The following UNC93B1 variants were observed in gnomAD, a reference collection of about 807,000 sequenced individuals.
The protein encoded by UNC93B1 is protein unc-93 homolog B1.
A neutral mutation model predicts 56.8 loss-of-function variants in UNC93B1; 33 were observed. The ratio of observed to expected loss-of-function variants is 0.58; its 90% CI spans 0.44 to 0.78. The LOEUF is 0.78. Ranked by LOEUF, UNC93B1 falls within the 30% of genes least tolerant of loss-of-function variation. The pLI, the probability that UNC93B1 is intolerant of heterozygous loss-of-function variation, is 0.00. For missense variants in UNC93B1, 673 were observed against 819.5 expected (o/e 0.82, Z 2.18); for synonymous variants, 334 against 358.6 (o/e 0.93, Z 0.77).
chr11:68,000,740 G>A (rs6591326), intron 3 of UNC93B1, among the ~76,000 whole-genome samples: 1,595 of 152,290 alleles, frequency 0.01, 32 homozygotes, highest in African/African-American at 0.036. Context: ...GTTTTGGCAG[G>A]GGGTGAACAT....
rs1230606959 is a variant in UNC93B1, at chr11:67,998,437, C to G, written c.703G>C (p.Ala235Pro). 1 of 1,613,784 alleles carries G rather than the reference C, an allele frequency of 6.2e-7. No homozygotes were observed. Among genetic ancestry groups the G allele is most frequent in the Non-Finnish European group, 8.5e-7 (1 of 1,179,856 alleles). The change falls in exon 6 of 11, where the codon GCC becomes CCC. Residue 235 changes from alanine (A) to proline (P), a missense_variant. Transcript: ENST00000227471. ...AGGAAATAAATCATGGGCAGCTGGG[C>G]GCAGGCGAAGCTCAGCTGCAGAAAC... is the stretch of plus-strand genomic sequence containing the variant. ...YSFFHLSFACAQLPMIYFLNH... is the reference protein window; with the variant it reads ...YSFFHLSFACPQLPMIYFLNH...
In UNC93B1 at chr11:67,999,146, C is replaced by G. The variant is rs759683976; in HGVS notation, c.687+27G>C. ...CCAATGCGTGGGTCTGCCCCTGCCA[C>G]CCAACAATGGCCCACGTGGCACTCA... On this transcript the variant is annotated intron_variant, in intron 5 of 10. Coordinates refer to ENST00000227471, the MANE Select transcript of UNC93B1 (RefSeq NM_030930.4). 69 of 1,613,284 alleles carry G rather than the reference C, an allele frequency of 4.3e-5. 1 individual carries two copies. Among genetic ancestry groups the G allele is most frequent in the Non-Finnish European group, 2.5e-6 (3 of 1,179,582 alleles).
chr11:68,003,934 G>T lies in UNC93B1; in HGVS notation c.96+14C>A. 1 of 1,373,310 alleles carries T rather than the reference G, an allele frequency of 7.3e-7. No individual in the cohort carries two copies. 85.1% of individuals were successfully genotyped at this position (1,373,310 alleles called of 1,614,324 possible). ...AGGGGACGCCCGCGCCTCGCACTCC[G>T]GGTCCCCGCTCACCGGGGCCTCGGG... On this transcript the variant is annotated intron_variant, in intron 1 of 10. Transcript: ENST00000227471. This position sits in a 1 kb window ranked among gnomAD's most constrained non-coding sequence, Gnocchi z 4.4.
At chr11:67,993,875 T>C in intron 9 of UNC93B1, 81 bp from the exon 10 acceptor site, 1 of 969,928 alleles carries the variant, frequency 1.0e-6, no homozygotes, top group Non-Finnish European at 1.6e-6. Context: ...CTACGAACTT[T>C]ACTAAGCCCT....
chr11:67,999,069 C>T (rs1856999022), intron 5 of UNC93B1, 104 bp downstream of exon 5: 1 of 1,516,660 alleles, frequency 6.6e-7, no homozygotes, highest in Non-Finnish European at 8.9e-7. Context: ...TTAAAAATAA[C>T]AATAATAAAA....
rs1304888907 is a variant in UNC93B1, at chr11:67,995,769, G to A, written c.1205C>T (p.Pro402Leu). 5.4e-5 allele frequency: 84 copies of A among 1,548,116 alleles called. No homozygotes were observed. Among genetic ancestry groups the A allele is most frequent in the Non-Finnish European group, 6.5e-5 (75 of 1,146,788 alleles). ...LGLLGLWLPR[P>L]VPLVAGAGVH... ...CCCTGCTCCGGCCACCAGGGGCACCGGGCGTGGCAGCCACAGGCCCAGCAG... is the reference window on the plus strand; with the variant it reads ...CCCTGCTCCGGCCACCAGGGGCACCAGGCGTGGCAGCCACAGGCCCAGCAG... The change falls in exon 9 of 11, where the codon CCG becomes CTG. Residue 402 changes from proline (P) to leucine (L), a missense_variant. By Grantham distance (98) the Pro-to-Leu change is moderately conservative. Transcript: ENST00000227471.
Position 68,000,607 on chromosome 11 carries a change from G to A in UNC93B1, c.393-927C>T, listed in dbSNP as rs148112726. On this transcript the variant is annotated intron_variant, in intron 3 of 10. Transcript: ENST00000227471. ...TTGAACCCAGGAGGTGGAGGTTGCC[G>A]TGAGCTGAGATCGCGTCACCGCACT... 2.2e-4 allele frequency among the ~76,000 whole-genome samples: 34 copies of A among 152,230 alleles called. No homozygotes were observed. The East Asian group carries it at 2.3e-3, about 10-fold the overall frequency.
chr11:67,996,678 T>TGCTTCA lies in UNC93B1; in HGVS notation c.1012_1013insTGAAGC (p.Tyr338delinsLeuLysHis). 6.4e-7 allele frequency: 1 copy of TGCTTCA among 1,551,586 alleles called. No homozygotes were observed. Among genetic ancestry groups the TGCTTCA allele is most frequent in the African/African-American group, 1.4e-5 (1 of 73,146 alleles). ...GAAAGGCACGAGGTGGCGCAGGCGG[T>TGCTTCA]AGTCACGCACGTGCTTGAAGGGCAG... On this transcript the variant is annotated protein_altering_variant, in exon 8 of 11. Coordinates refer to ENST00000227471, the MANE Select transcript of UNC93B1 (RefSeq NM_030930.4).
At position 68,003,779 on chromosome 11, in the gene UNC93B1, G is replaced by A. The variant is rs1857088886; in HGVS notation, c.116C>T (p.Ala39Val). The change falls in exon 2 of 11, where the codon GCG becomes GTG. Residue 39 changes from alanine to valine, a missense_variant. Ala to Val is a moderately conservative substitution (Grantham distance 64). Around this residue, in one of 3 missense-constraint regions of UNC93B1, gnomAD observed 438 missense variants for 465.9 expected, o/e 0.94. Transcript: ENST00000227471. The surrounding 1 kb of genome is among the most constrained non-coding windows in gnomAD (Gnocchi z 4.4). ...PEAPLDELVG[A>V]YPNYNEEEEE... Reference sequence around the variant, plus strand: ...CTCCTCCTCGTTGTAGTTGGGGTACGCGCCCACCAGCTCGTCCAGCTGCGA... The same window carrying A: ...CTCCTCCTCGTTGTAGTTGGGGTACACGCCCACCAGCTCGTCCAGCTGCGA... 2 of 1,511,364 alleles carry A rather than the reference G, an allele frequency of 1.3e-6. No individual in the cohort carries two copies. The highest frequency in any genetic ancestry group is 2.0e-5 in the Admixed American group (1 of 48,892). The allele number at this position is 1,511,364 out of a possible 1,614,324, so 93.6% of individuals were successfully genotyped here.
intron 6 of UNC93B1, among the ~76,000 whole-genome samples, chr11:67,998,150 G>C (rs1226086267): frequency 6.6e-6 from 1 of 152,230 alleles, no homozygotes; most frequent in East Asian, 1.9e-4. Context: ...CCCAGATGGT[G>C]CCTTCTCCAG....
At chr11:67,997,968 T>A (rs1463202022) in intron 6 of UNC93B1, among the ~76,000 whole-genome samples, 169 bp from the exon 7 acceptor site, 1 of 152,166 alleles carries the variant, frequency 6.6e-6, no homozygotes, top group Non-Finnish European at 1.5e-5. Context: ...CCACTGGGGC[T>A]GGGTTTGGAC....
Position 68,004,073 on chromosome 11 carries a change from C to T in UNC93B1, c.-30G>A, listed in dbSNP as rs1157397739. ...CGAACTACTGCGGACTCGCGGCGGT[C>T]GCCCCGGAGTCCCTGCGACCGCCCG... is the stretch of plus-strand genomic sequence containing the variant. On this transcript the variant is annotated 5_prime_UTR_variant, in exon 1 of 11. Coordinates refer to ENST00000227471, the MANE Select transcript of UNC93B1 (RefSeq NM_030930.4). 3 of 1,316,610 alleles carry T rather than the reference C, an allele frequency of 2.3e-6. No individual in the cohort carries two copies. The highest frequency in any genetic ancestry group is 2.9e-6 in the Non-Finnish European group (3 of 1,030,938). 81.6% of individuals were successfully genotyped at this position (1,316,610 alleles called of 1,614,324 possible).
rs1857080456 is a variant in UNC93B1 at position 68,003,512 on chromosome 11, C to A, written c.238+145G>T. On this transcript the variant is annotated intron_variant, in intron 2 of 10. Transcript: ENST00000227471. The surrounding 1 kb of genome is among the most constrained non-coding windows in gnomAD (Gnocchi z 4.4). The stretch of plus-strand genomic sequence containing the variant: ...TGCGCTACTTGACCCCCCAACCCCA[C>A]CCCCGCCGCGGGGGGCCGTGGCTGC... 7.9e-7 allele frequency: 1 copy of A among 1,263,078 alleles called. No homozygotes were observed. The highest frequency in any genetic ancestry group is 1.7e-5 in the South Asian group (1 of 58,580). The allele number at this position is 1,263,078 out of a possible 1,614,324, so 78.2% of individuals were successfully genotyped here.
At chr11:67,995,578 C>CCCCCCT in intron 9 of UNC93B1, 33 bp downstream of exon 9, 1 of 76,238 alleles carries the variant, frequency 1.3e-5, no homozygotes, top group Non-Finnish European at 3.3e-5. Context: ...CCTGCCCCGC[C>CCCCCCT]CCCCCCCCCC....
intron 8 of UNC93B1, among the ~76,000 whole-genome samples, chr11:67,996,370 A>G (rs1856947618): frequency 6.6e-6 from 1 of 152,082 alleles, no homozygotes; most frequent in Admixed American, 6.5e-5. Flanking sequence ...CCCACAAGGA[A>G]CTAAACACTC....
At position 68,002,124 on chromosome 11, in the gene UNC93B1, G is replaced by T. The variant is rs370135883; in HGVS notation, c.392+898C>A. On this transcript the variant is annotated intron_variant, in intron 3 of 10. Transcript: ENST00000227471. ...ACTGCACTGCAGTCTAGGTGACAGA[G>T]CAAGTATCTGTCTCAAAAAAAAAAA... Among the ~76,000 whole-genome samples the T allele has an allele frequency of 2.9e-4, 44 of 151,276 alleles. No homozygotes were observed. The South Asian group carries it at 9.2e-3, about 32-fold the overall frequency.
At position 68,003,770 on chromosome 11, in the gene UNC93B1, T is replaced by A; in HGVS notation, c.125A>T (p.Asn42Ile). 1 of 1,518,482 alleles carries A rather than the reference T, an allele frequency of 6.6e-7. No individual in the cohort carries two copies. Among genetic ancestry groups the A allele is most frequent in the Non-Finnish European group, 8.8e-7 (1 of 1,139,964 alleles). The allele number at this position is 1,518,482 out of a possible 1,614,324, so 94.1% of individuals were successfully genotyped here. A position where few individuals can be genotyped will look rare whatever the true frequency, so the allele number is the denominator to read the frequency against. Residue 42 changes from asparagine to isoleucine, a missense_variant, in exon 2 of 11, where the codon AAC becomes ATC. Asn to Ile is a moderately radical substitution (Grantham distance 149, BLOSUM62 -3). Around this residue, in one of 3 missense-constraint regions of UNC93B1, gnomAD observed 438 missense variants for 465.9 expected, o/e 0.94. Coordinates refer to ENST00000227471, the MANE Select transcript of UNC93B1 (RefSeq NM_030930.4). This position sits in a 1 kb window ranked among gnomAD's most constrained non-coding sequence, Gnocchi z 4.4. ...GCGCTCCTCCTCCTCCTCGTTGTAG[T>A]TGGGGTACGCGCCCACCAGCTCGTC... ...PLDELVGAYP[N>I]YNEEEEERRY...
intron 10 of UNC93B1, among the ~76,000 whole-genome samples, chr11:67,992,934 AT>A (rs1453838379): frequency 4.6e-5 from 7 of 151,912 alleles, no homozygotes; most frequent in Admixed American, 2.6e-4. Flanking sequence ...AAATGCTGGG[AT>A]TACAGGCGTG....
Position 67,998,425 on chromosome 11 carries a change from TG to T in UNC93B1, c.714del (p.Met239Ter). On this transcript the variant is annotated frameshift_variant, in exon 6 of 11. Transcript: ENST00000227471. LOFTEE classifies it high-confidence loss of function. The stretch of plus-strand genomic sequence containing the variant: ...AGGTAGTGGTTCAGGAAATAAATCA[TG>T]GGCAGCTGGGCGCAGGCGAAGCTCA... Reference protein sequence around the residue: ...FHLSFACAQLPMIYFLNHYLY... With the variant: ...FHLSFACAQLXMIYFLNHYLY... The T allele has an allele frequency of 3.7e-6, 6 of 1,613,890 alleles. No individual in the cohort carries two copies. The highest frequency in any genetic ancestry group is 5.1e-6 in the Non-Finnish European group (6 of 1,179,854).
Sources: gnomAD v4.1 joint callset for allele counts (sites outside exome capture counted in the v4.1 genomes callset) on GRCh38, gnomAD v4.1.1 for gene constraint, gnomAD v4.1.1 regional missense constraint, Gnocchi (gnomAD v3.1) non-coding constraint, MANE v1.5 for transcripts, NCBI Gene and HGNC (gene_info 2026-07-23, HGNC 2026-07-21) for gene names.